The following PPP1R12B variants were observed in gnomAD, a reference collection of about 807,000 sequenced individuals.
PPP1R12B encodes the protein protein phosphatase 1 regulatory subunit 12B, also known as myosin phosphatase target subunit 2.
A neutral mutation model predicts 126.1 loss-of-function variants in PPP1R12B; 76 were observed. The observed-to-expected ratio is 0.60, with a 90% CI of 0.50 to 0.73. The LOEUF (loss-of-function observed/expected upper bound fraction) is 0.73, where lower values mean the gene tolerates loss of function less well. Among genes scored for constraint, PPP1R12B ranks in the 30% least tolerant of loss-of-function variants. The pLI, the probability that PPP1R12B is intolerant of heterozygous loss-of-function variation, is 0.00. For synonymous variants in PPP1R12B, 356 were observed against 434.7 expected (o/e 0.82, Z 2.25); for missense variants, 1,052 against 1,205.1 (o/e 0.87, Z 1.88).
intron 18 of PPP1R12B, among the ~76,000 whole-genome samples, chr1:202,533,812 A>G (rs2148945948): frequency 6.6e-6 from 1 of 152,308 alleles, no homozygotes; most frequent in East Asian, 1.9e-4. Flanking sequence ...GACTGGATTG[A>G]GATGACGTCT....
intron 1 of PPP1R12B, among the ~76,000 whole-genome samples, chr1:202,366,245 G>A (rs1284977599): frequency 1.3e-5 from 2 of 151,998 alleles, no homozygotes; most frequent in Non-Finnish European, 1.5e-5. Flanking sequence ...GTTGCTGGGT[G>A]TGGTGGCTCA....
At chr1:202,425,504 T>C in intron 3 of PPP1R12B, 62 bp from the exon 4 acceptor site, 1 of 1,539,430 alleles carries the variant, frequency 6.5e-7, no homozygotes, top group Non-Finnish European at 8.9e-7. Context: ...CTAAGGAAAA[T>C]ATCCTGTCAA....
intron 1 of PPP1R12B, among the ~76,000 whole-genome samples, chr1:202,354,451 T>C (rs1258491924): frequency 1.3e-5 from 2 of 152,066 alleles, no homozygotes; most frequent in African/African-American, 4.8e-5. Flanking sequence ...TGTCTGTAGT[T>C]GCAGCTACTT....
intron 1 of PPP1R12B, among the ~76,000 whole-genome samples, chr1:202,409,326 CTTT>C (rs34793175): frequency 1.4e-5 from 2 of 144,940 alleles, no homozygotes; most frequent in African/African-American, 2.5e-5. Context: ...CTTGCCAACA[CTTT>C]TTTTTTTTTT....
intron 8 of PPP1R12B, among the ~76,000 whole-genome samples, chr1:202,433,782 C>T (rs1406551624): frequency 6.6e-6 from 1 of 152,182 alleles, no homozygotes; most frequent in African/African-American, 2.4e-5. Flanking sequence ...GGCCACCTCA[C>T]TGTTCTTCTA....
At chr1:202,445,275 G>T (rs1672092953) in intron 12 of PPP1R12B, 6 of 1,210,542 alleles carry the variant, frequency 5.0e-6, no homozygotes, top group Non-Finnish European at 6.3e-6. Context: ...AAAGTTAATG[G>T]CTCTGAAAAC....
intron 19 of PPP1R12B, among the ~76,000 whole-genome samples, chr1:202,560,179 A>G (rs1196886812): frequency 6.6e-6 from 1 of 152,210 alleles, no homozygotes; most frequent in Non-Finnish European, 1.5e-5. Context: ...AAAGTGTTTT[A>G]CCATAAAAGT....
chr1:202,566,450 G>A (rs917380368), intron 21 of PPP1R12B, among the ~76,000 whole-genome samples: 6 of 152,176 alleles, frequency 3.9e-5, no homozygotes, highest in Non-Finnish European at 8.8e-5. Context: ...TCACACATTT[G>A]TATGGAGACA....
At chr1:202,442,686 A>C in intron 12 of PPP1R12B, 114 bp downstream of exon 12, 1 of 1,166,306 alleles carries the variant, frequency 8.6e-7, no homozygotes, top group Non-Finnish European at 1.2e-6. Context: ...ATCAAAATGA[A>C]TTACTTTCAG....
At chr1:202,398,110 A>G (rs1665268975) in intron 1 of PPP1R12B, among the ~76,000 whole-genome samples, 1 of 152,094 alleles carries the variant, frequency 6.6e-6, no homozygotes, top group Non-Finnish European at 1.5e-5. Flanking sequence ...TTTTTTTAGG[A>G]GACAGTATGC....
intron 1 of PPP1R12B, among the ~76,000 whole-genome samples, chr1:202,407,212 G>A (rs1352435014): frequency 1.3e-5 from 2 of 152,188 alleles, no homozygotes; most frequent in Non-Finnish European, 2.9e-5. Context: ...GAATAGAGAA[G>A]ATTGAGGGAA....
chr1:202,493,085 A>G lies in PPP1R12B; in HGVS notation c.1942-29A>G, dbSNP rs116285126. 2.6e-3 allele frequency: 4,128 copies of G among 1,597,842 alleles called. 113 individuals carry two copies. In the African/African-American group the frequency reaches 0.05, roughly 19 times the overall value. Reference sequence around the variant, plus strand: ...AGAGTTATTCCATGGTTAGTGTGAAACAGCCCTGATCTTGTGATATTTTCC... The same window carrying G: ...AGAGTTATTCCATGGTTAGTGTGAAGCAGCCCTGATCTTGTGATATTTTCC... On this transcript the variant is annotated intron_variant, in intron 14 of 23. Coordinates refer to ENST00000608999, the MANE Select transcript of PPP1R12B (RefSeq NM_002481.4).
intron 1 of PPP1R12B, among the ~76,000 whole-genome samples, chr1:202,411,766 C>A (rs1187254618): frequency 6.6e-6 from 1 of 152,128 alleles, no homozygotes; most frequent in Non-Finnish European, 1.5e-5. Flanking sequence ...AAGTTAGATA[C>A]CCCACTCTAG....
intron 13 of PPP1R12B, among the ~76,000 whole-genome samples, chr1:202,476,513 G>A (rs959387613): frequency 9.9e-5 from 15 of 151,392 alleles, no homozygotes; most frequent in Admixed American, 6.6e-4. Flanking sequence ...TGGAAACACC[G>A]CTCTACTAAA....
chr1:202,418,539 G>T (rs1668373815), intron 2 of PPP1R12B, among the ~76,000 whole-genome samples: 1 of 151,738 alleles, frequency 6.6e-6, no homozygotes, highest in Non-Finnish European at 1.5e-5. Context: ...CTGGAAGTAA[G>T]TTCACAATAT....
At chr1:202,368,360 C>G (rs1558138534) in intron 1 of PPP1R12B, among the ~76,000 whole-genome samples, 2 of 152,194 alleles carry the variant, frequency 1.3e-5, no homozygotes, top group South Asian at 2.1e-4. Context: ...GCTTCGCCCT[C>G]CACTGTGAGT....
At chr1:202,483,405 T>A (rs1416248604) in intron 13 of PPP1R12B, among the ~76,000 whole-genome samples, 2 of 151,058 alleles carry the variant, frequency 1.3e-5, no homozygotes, top group Admixed American at 1.3e-4. Context: ...GATAAACCTA[T>A]GGAAGAGCTT....
chr1:202,586,431 A>G lies in PPP1R12B; in HGVS notation c.*5871A>G, dbSNP rs997725554. On this transcript the variant is annotated 3_prime_UTR_variant, in exon 24 of 24. Coordinates refer to ENST00000608999, the MANE Select transcript of PPP1R12B (RefSeq NM_002481.4). ...GTCACACAGAAATGAGTTCTGTCTC[A>G]CTGGTGACTTCATCCCTCAGGCTCC... 1 of 152,250 alleles carries G rather than the reference A, an allele frequency of 6.6e-6. No individual in the cohort carries two copies. The highest frequency in any genetic ancestry group is 1.5e-5 in the Non-Finnish European group (1 of 68,060). 9.4% of individuals were successfully genotyped at this position (152,250 alleles called of 1,614,324 possible).
chr1:202,495,959 AAACAAATAT>A (rs1679507401), intron 17 of PPP1R12B, among the ~76,000 whole-genome samples: 1 of 152,256 alleles, frequency 6.6e-6, no homozygotes, highest in Non-Finnish European at 1.5e-5. Context: ...ACAGCCATAT[AAACAAATAT>A]AACAAGTGAA....
Sources: allele counts gnomAD v4.1 joint callset (sites outside exome capture counted in the v4.1 genomes callset), GRCh38; gene constraint gnomAD v4.1.1; transcripts MANE v1.5; gene names NCBI Gene and HGNC (gene_info 2026-07-23, HGNC 2026-07-21).